UBXN7: variants seen among roughly 807,000 people sequenced by gnomAD.
UBXN7 encodes UBX domain protein 7, also known as UBX domain-containing protein 7.
UBXN7 carries 9 observed loss-of-function variants against 58.0 expected under a neutral mutation model. The observed-to-expected ratio is 0.16, with a 90% CI of 0.09 to 0.27. The LOEUF (loss-of-function observed/expected upper bound fraction) is 0.27, where lower values mean the gene tolerates loss of function less well. Among genes scored for constraint, UBXN7 ranks in the 10% least tolerant of loss-of-function variants. UBXN7 has a pLI of 1.00. For missense variants in UBXN7, 328 were observed against 599.6 expected, an observed-to-expected ratio of 0.55 and a Z score of 4.73; for synonymous variants, 208 against 205.0, an observed-to-expected ratio of 1.01 and a Z score of -0.12.
At chr3:196,422,709 A>T (rs936806617) in intron 1 of UBXN7, among the ~76,000 whole-genome samples, 1 of 152,032 alleles carries the variant, frequency 6.6e-6, no homozygotes, top group African/African-American at 2.4e-5. Context: ...GTCACAAATT[A>T]TTTGTCAGCT....
intron 1 of UBXN7, among the ~76,000 whole-genome samples, chr3:196,418,215 C>T (rs982537781): frequency 1.3e-5 from 2 of 150,328 alleles, no homozygotes; most frequent in African/African-American, 2.5e-5. Context: ...CCAGCCTGGG[C>T]GACAGCAAGA....
intron 6 of UBXN7, among the ~76,000 whole-genome samples, chr3:196,371,477 AGTTT>A (rs568339617): frequency 9.2e-5 from 14 of 152,140 alleles, no homozygotes; most frequent in East Asian, 5.8e-4. Flanking sequence ...TGAACAGTAC[AGTTT>A]GTTTGTTTTG....
At chr3:196,421,119 A>T (rs1730668687) in intron 1 of UBXN7, among the ~76,000 whole-genome samples, 2 of 152,224 alleles carry the variant, frequency 1.3e-5, no homozygotes, top group African/African-American at 4.8e-5. Flanking sequence ...CAAATATCGA[A>T]AACATTTTTA....
intron 5 of UBXN7, among the ~76,000 whole-genome samples, chr3:196,382,829 G>C (rs926974929): frequency 3.9e-5 from 6 of 152,076 alleles, no homozygotes; most frequent in African/African-American, 1.4e-4. Context: ...AAAAATGCAG[G>C]GGTTGGCCGG....
chr3:196,377,392 T>C (rs1729062377), intron 5 of UBXN7, among the ~76,000 whole-genome samples: 1 of 152,198 alleles, frequency 6.6e-6, no homozygotes, highest in Non-Finnish European at 1.5e-5. Flanking sequence ...CTCGCTTCAC[T>C]AAGGTTTCTA....
At chr3:196,403,522 T>C (rs1470342764) in intron 2 of UBXN7, among the ~76,000 whole-genome samples, 3 of 152,110 alleles carry the variant, frequency 2.0e-5, no homozygotes, top group South Asian at 2.1e-4. Flanking sequence ...ACCTGGCATA[T>C]ATAGCTCAAA....
intron 1 of UBXN7, among the ~76,000 whole-genome samples, chr3:196,428,619 G>A (rs1326735059): frequency 6.6e-6 from 1 of 151,952 alleles, no homozygotes; most frequent in Non-Finnish European, 1.5e-5. Flanking sequence ...TCGGCCAGGT[G>A]CAGTGTCCCA....
chr3:196,360,589 A>G lies in UBXN7; in HGVS notation c.1308+1255T>C, dbSNP rs143893723. On this transcript the variant is annotated intron_variant, in intron 10 of 10. Coordinates refer to ENST00000296328, the MANE Select transcript of UBXN7 (RefSeq NM_015562.2). ...CTACTGCTCAGAAAAAAGATTCAAC[A>G]TATTACTGCTCATTGACAACGCACC... 1.9e-3 allele frequency among the ~76,000 whole-genome samples: 284 copies of G among 152,336 alleles called. 2 individuals are homozygous for G. The highest frequency in any genetic ancestry group is 6.4e-3 in the African/African-American group (265 of 41,576).
At chr3:196,422,154 C>G (rs1320075262) in intron 1 of UBXN7, among the ~76,000 whole-genome samples, 1 of 151,280 alleles carries the variant, frequency 6.6e-6, no homozygotes, top group South Asian at 2.1e-4. Context: ...AAATCAAGAT[C>G]ACACCACTGC....
chr3:196,402,845 C>T (rs1730035221), intron 3 of UBXN7, 107 bp downstream of exon 3: 2 of 1,226,434 alleles, frequency 1.6e-6, no homozygotes, highest in South Asian at 2.8e-5. Context: ...TAAGAAATGA[C>T]ACCACACTTC....
At chr3:196,367,697 T>C (rs76811551) in intron 8 of UBXN7, among the ~76,000 whole-genome samples, 5 of 152,304 alleles carry the variant, frequency 3.3e-5, no homozygotes, top group East Asian at 1.9e-4. Context: ...CCTCAGGAAG[T>C]AGACACCTTT....
intron 5 of UBXN7, among the ~76,000 whole-genome samples, chr3:196,391,031 T>C (rs966740707): frequency 6.6e-6 from 1 of 152,202 alleles, no homozygotes; most frequent in African/African-American, 2.4e-5. Context: ...TGTTTGGGTT[T>C]AGTCACGATA....
intron 2 of UBXN7, among the ~76,000 whole-genome samples, chr3:196,403,826 A>G (rs962085045): frequency 2.8e-4 from 42 of 152,186 alleles, no homozygotes; most frequent in African/African-American, 1.0e-3. Context: ...CAAAAAAAGT[A>G]ATTACTCATC....
intron 2 of UBXN7, among the ~76,000 whole-genome samples, chr3:196,403,812 AG>A (rs1730066122): frequency 1.3e-5 from 2 of 152,328 alleles, no homozygotes; most frequent in African/African-American, 4.8e-5. Flanking sequence ...CCTAATATAC[AG>A]AACAAAAAAA....
At chr3:196,363,000 G>A (rs1728547516) in intron 8 of UBXN7, among the ~76,000 whole-genome samples, 1 of 151,964 alleles carries the variant, frequency 6.6e-6, no homozygotes, top group Admixed American at 6.6e-5. Context: ...GCCTTCCCAG[G>A]TTCAAGCGAT....
chr3:196,362,273 GTA>G lies in UBXN7; in HGVS notation c.1228+19_1228+20del. ...CCCCAATATCTAAGTTTGAAGTAAA[GTA>G]TGTCTAAATGTAACTTACCATTTAC... is the stretch of plus-strand genomic sequence containing the variant. On this transcript the variant is annotated intron_variant, in intron 9 of 10. Coordinates refer to ENST00000296328, the MANE Select transcript of UBXN7 (RefSeq NM_015562.2). 1 of 1,562,714 alleles carries G rather than the reference GTA, an allele frequency of 6.4e-7. No individual in the cohort carries two copies. The highest frequency in any genetic ancestry group is 8.6e-7 in the Non-Finnish European group (1 of 1,157,496).
At chr3:196,422,465 A>G (rs1321263033) in intron 1 of UBXN7, among the ~76,000 whole-genome samples, 2 of 151,984 alleles carry the variant, frequency 1.3e-5, no homozygotes, top group Non-Finnish European at 2.9e-5. Context: ...GGGCAAGAGA[A>G]TGAGATCTTG....
chr3:196,409,379 T>C (rs998354611), intron 1 of UBXN7, among the ~76,000 whole-genome samples: 4 of 152,088 alleles, frequency 2.6e-5, no homozygotes, highest in African/African-American at 9.7e-5. Flanking sequence ...TTTTCTACAG[T>C]TTCTATAGGT....
intron 1 of UBXN7, among the ~76,000 whole-genome samples, chr3:196,424,902 A>G (rs1427223542): frequency 6.6e-6 from 1 of 151,720 alleles, no homozygotes; most frequent in Non-Finnish European, 1.5e-5. Flanking sequence ...GGGTTTCACC[A>G]TGTTGGTCAG....
Sources: allele counts gnomAD v4.1 joint callset (sites outside exome capture counted in the v4.1 genomes callset), GRCh38; gene constraint gnomAD v4.1.1; transcripts MANE v1.5; gene names NCBI Gene and HGNC (gene_info 2026-07-23, HGNC 2026-07-21).